MTDH: variants seen among roughly 807,000 people sequenced by gnomAD.
MTDH encodes metadherin.
Under a neutral mutation model 72.7 loss-of-function variants are expected in MTDH, and 34 were observed. That is an observed-to-expected ratio of 0.47 (90% CI 0.36 to 0.62). MTDH has a LOEUF of 0.62. Among genes scored for constraint, MTDH ranks in the 20% least tolerant of loss-of-function variants. The probability of loss-of-function intolerance (pLI) is 0.00; values close to 1 mark genes in which losing one functional copy is unlikely to be tolerated. For missense variants in MTDH, 677 were observed against 699.4 expected (o/e 0.97, Z 0.36); for synonymous variants, 266 against 268.9 (o/e 0.99, Z 0.10).
chr8:97,709,382 T>A (rs1301271473), intron 8 of MTDH, among the ~76,000 whole-genome samples: 2 of 152,186 alleles, frequency 1.3e-5, no homozygotes, highest in African/African-American at 4.8e-5. Context: ...TAGTGATCAT[T>A]CACATGTTTG....
chr8:97,722,472 C>T (rs989801747), intron 10 of MTDH, among the ~76,000 whole-genome samples: 2 of 152,050 alleles, frequency 1.3e-5, no homozygotes, highest in African/African-American at 4.8e-5. Flanking sequence ...CGTGGTGGCA[C>T]ACGCCTGTAG....
intron 1 of MTDH, among the ~76,000 whole-genome samples, chr8:97,650,810 A>G (rs977386806): frequency 3.3e-5 from 5 of 151,506 alleles, no homozygotes; most frequent in Admixed American, 1.3e-4. Context: ...GCTCTCTGCA[A>G]CCTCCGCCTC....
chr8:97,720,947 C>T (rs1815096565), intron 10 of MTDH, among the ~76,000 whole-genome samples: 1 of 151,938 alleles, frequency 6.6e-6, no homozygotes, highest in Non-Finnish European at 1.5e-5. Flanking sequence ...AGCCACCACG[C>T]CCGGCCTCTG....
intron 2 of MTDH, among the ~76,000 whole-genome samples, chr8:97,682,772 A>G (rs982600436): frequency 6.6e-6 from 1 of 152,028 alleles, no homozygotes; most frequent in Non-Finnish European, 1.5e-5. Context: ...TTATTTATAT[A>G]TACTACTTTG....
Position 97,723,034 on chromosome 8 carries a change from G to T in MTDH, c.1677G>T (p.Gln559His). 1 of 1,612,778 alleles carries T rather than the reference G, an allele frequency of 6.2e-7. No individual in the cohort carries two copies. Among genetic ancestry groups the T allele is most frequent in the Non-Finnish European group, 8.5e-7 (1 of 1,179,554 alleles). Residue 559 changes from glutamine (Q) to histidine (H), a missense_variant and splice_region_variant, in exon 11 of 12, where the codon CAG becomes CAT. This residue lies in a region of MTDH where 201 missense variants were observed against 204.5 expected (regional missense o/e 0.98). Coordinates refer to ENST00000336273, the MANE Select transcript of MTDH (RefSeq NM_178812.4). ...AGCAAAATAGTGTGCCTCCTTCACA[G>T]AGTAAGTAATCCTCATTTTTTGTTC... ...NTKQNSVPPSQTKSETSWESP... is the reference protein window; with the variant it reads ...NTKQNSVPPSHTKSETSWESP...
At chr8:97,669,934 A>C (rs1812544451) in intron 2 of MTDH, among the ~76,000 whole-genome samples, 1 of 151,686 alleles carries the variant, frequency 6.6e-6, no homozygotes, top group South Asian at 2.1e-4. Context: ...AAAAAAAAAA[A>C]AAAACTACTC....
intron 8 of MTDH, 25 bp downstream of exon 8, chr8:97,706,775 T>A (rs1352256412): frequency 1.2e-6 from 2 of 1,603,160 alleles, no homozygotes; most frequent in East Asian, 4.5e-5. Flanking sequence ...TTCCTGGGTG[T>A]TTATTTGTTA....
At chr8:97,706,575 T>C (rs765486574) in intron 7 of MTDH, 51 bp from the exon 8 acceptor site, 1 of 1,466,658 alleles carries the variant, frequency 6.8e-7, no homozygotes, top group East Asian at 2.5e-5. Flanking sequence ...TTTTTGCCTT[T>C]TAATTTATGG....
rs1399589645 is a variant in MTDH at position 97,654,470 on chromosome 8, A to G, written c.382-6602A>G. Among the ~76,000 whole-genome samples, 3 of 152,282 alleles carry G rather than the reference A, an allele frequency of 2.0e-5. 1 individual carries two copies. The highest frequency in any genetic ancestry group is 2.0e-4 in the Admixed American group (3 of 15,288). ...TAATGTGTCTAGCAAGTACTTGGAAATTATTATTGTTAAGACTGTCTTATA... is the reference window on the plus strand; with the variant it reads ...TAATGTGTCTAGCAAGTACTTGGAAGTTATTATTGTTAAGACTGTCTTATA... On this transcript the variant is annotated intron_variant, in intron 1 of 11. Coordinates refer to ENST00000336273, the MANE Select transcript of MTDH (RefSeq NM_178812.4).
At chr8:97,670,531 C>T (rs535226759) in intron 2 of MTDH, among the ~76,000 whole-genome samples, 67 of 152,020 alleles carry the variant, frequency 4.4e-4, no homozygotes, top group African/African-American at 1.5e-3. Flanking sequence ...GGCTAAGTCA[C>T]GAGAATCACT....
chr8:97,674,176 A>C (rs911205380), intron 2 of MTDH, among the ~76,000 whole-genome samples: 16 of 152,264 alleles, frequency 1.1e-4, no homozygotes, highest in African/African-American at 3.9e-4. Context: ...AATGAGAAAA[A>C]AAATCAAGCA....
chr8:97,677,265 A>T (rs999880232), intron 2 of MTDH, among the ~76,000 whole-genome samples: 8 of 148,864 alleles, frequency 5.4e-5, no homozygotes, highest in African/African-American at 2.0e-4. Context: ...AGGCCGAGGC[A>T]GGTGGATCAC....
chr8:97,660,722 CAATG>C (rs1322324413), intron 1 of MTDH, among the ~76,000 whole-genome samples: 1 of 152,032 alleles, frequency 6.6e-6, no homozygotes, highest in Non-Finnish European at 1.5e-5. Context: ...GGCTCGGAGA[CAATG>C]AGTGAAATAT....
intron 2 of MTDH, among the ~76,000 whole-genome samples, chr8:97,673,440 CCT>C (rs1812712957): frequency 6.6e-6 from 1 of 152,096 alleles, no homozygotes; most frequent in Non-Finnish European, 1.5e-5. Flanking sequence ...GGGTGGATCA[CCT>C]GAGGTCAGGA....
At chr8:97,707,392 C>T (rs767745135) in intron 8 of MTDH, among the ~76,000 whole-genome samples, 5 of 150,786 alleles carry the variant, frequency 3.3e-5, no homozygotes, top group Non-Finnish European at 5.9e-5. Flanking sequence ...TCAGGTGATC[C>T]GCTCACCTCA....
At chr8:97,707,384 A>G (rs1038842599) in intron 8 of MTDH, among the ~76,000 whole-genome samples, 3 of 149,354 alleles carry the variant, frequency 2.0e-5, no homozygotes, top group Non-Finnish European at 4.4e-5. Flanking sequence ...TCCAGACCTC[A>G]GGTGATCCGC....
rs1232964178 is a variant in MTDH at position 97,728,621 on chromosome 8, A to G, written c.*3951A>G. ...TCCCCAAACAGCAATTGCTTGTACA[A>G]GATAGAAGTTTGCTTCTCAGCTGGG... is the stretch of plus-strand genomic sequence containing the variant. On this transcript the variant is annotated 3_prime_UTR_variant, in exon 12 of 12. Transcript: ENST00000336273. The G allele has an allele frequency of 3.3e-5, 5 of 152,062 alleles. No individual in the cohort carries two copies. Among genetic ancestry groups the G allele is most frequent in the African/African-American group, 1.2e-4 (5 of 41,412 alleles). The allele number at this position is 152,062 out of a possible 1,614,324, so 9.4% of individuals were successfully genotyped here.
At chr8:97,666,294 G>A (rs1586217624) in intron 2 of MTDH, among the ~76,000 whole-genome samples, 1 of 152,100 alleles carries the variant, frequency 6.6e-6, no homozygotes, top group South Asian at 2.1e-4. Context: ...TATTAATAAG[G>A]TCTTAAATTT....
intron 3 of MTDH, 89 bp downstream of exon 3, chr8:97,686,841 AT>A (rs1381562941): frequency 1.2e-6 from 1 of 860,842 alleles, no homozygotes; most frequent in Non-Finnish European, 1.7e-6. Flanking sequence ...GTTTTACTTA[AT>A]TTTGTGTTTA....
Sources: allele counts gnomAD v4.1 joint callset (sites outside exome capture counted in the v4.1 genomes callset), GRCh38; gene constraint gnomAD v4.1.1; regional missense constraint gnomAD v4.1.1; transcripts MANE v1.5; gene names NCBI Gene and HGNC (gene_info 2026-07-23, HGNC 2026-07-21).